The following ASTN2 variants were observed in gnomAD, a reference collection of about 807,000 sequenced individuals.
ASTN2 encodes astrotactin-2.
Under a neutral mutation model 139.8 loss-of-function variants are expected in ASTN2, and 54 were observed. The observed-to-expected ratio is 0.39, with a 90% CI of 0.31 to 0.48. ASTN2 has a LOEUF of 0.48. ASTN2 is among the 20% of genes least tolerant of loss of function. ASTN2 has a pLI of 0.95. For synonymous variants in ASTN2, 756 were observed against 719.5 expected (o/e 1.05, Z -0.81); for missense variants, 1,565 against 1,725.1 (o/e 0.91, Z 1.64).
At chr9:117,188,064 G>A (rs1770643501) in intron 3 of ASTN2, among the ~76,000 whole-genome samples, 1 of 151,776 alleles carries the variant, frequency 6.6e-6, no homozygotes, top group African/African-American at 2.4e-5. Flanking sequence ...AGAATGTTAA[G>A]CAGCATCCCT....
intron 1 of ASTN2, among the ~76,000 whole-genome samples, chr9:117,311,284 G>A (rs563263984): frequency 3.3e-5 from 5 of 150,638 alleles, no homozygotes; most frequent in African/African-American, 7.3e-5. Context: ...ATGACAGAAC[G>A]TTTATAATTG....
At chr9:117,276,292 G>T (rs548225603) in intron 2 of ASTN2, among the ~76,000 whole-genome samples, 1 of 152,152 alleles carries the variant, frequency 6.6e-6, no homozygotes, top group Non-Finnish European at 1.5e-5. Flanking sequence ...AAGATCACAC[G>T]GTTATCAAAA....
At chr9:117,284,437 G>A (rs1168958620) in intron 2 of ASTN2, among the ~76,000 whole-genome samples, 1 of 152,188 alleles carries the variant, frequency 6.6e-6, no homozygotes, top group Non-Finnish European at 1.5e-5. Flanking sequence ...GAGAATTGGG[G>A]CATAGAGACA....
At chr9:116,913,482 T>C (rs1834368450) in intron 10 of ASTN2, among the ~76,000 whole-genome samples, 1 of 152,184 alleles carries the variant, frequency 6.6e-6, no homozygotes, top group Non-Finnish European at 1.5e-5. Context: ...GAAACCCCGC[T>C]GGCTTTGTCA....
At chr9:116,601,776 C>T (rs949033504) in intron 19 of ASTN2, among the ~76,000 whole-genome samples, 2 of 152,116 alleles carry the variant, frequency 1.3e-5, no homozygotes, top group Non-Finnish European at 2.9e-5. Flanking sequence ...GTTTGAATTG[C>T]TTGTGAGATA....
At position 117,223,405 on chromosome 9, in the gene ASTN2, G is replaced by A. The variant is rs74540958; in HGVS notation, c.631-8663C>T. Among the ~76,000 whole-genome samples, 905 of 152,240 alleles carry A rather than the reference G, an allele frequency of 5.9e-3. 12 individuals are homozygous for A. Among genetic ancestry groups the A allele is most frequent in the African/African-American group, 0.02 (836 of 41,530 alleles). Reference sequence around the variant, plus strand: ...TTAACTGGTCCCAAATGTCAATAGCGCAGAGTTTGAGAGTCCCTAGTCTAA... The same window carrying A: ...TTAACTGGTCCCAAATGTCAATAGCACAGAGTTTGAGAGTCCCTAGTCTAA... On this transcript the variant is annotated intron_variant, in intron 2 of 22. Transcript: ENST00000313400.
chr9:117,133,656 T>C (rs926323680), intron 4 of ASTN2, among the ~76,000 whole-genome samples: 4 of 152,196 alleles, frequency 2.6e-5, no homozygotes, highest in African/African-American at 4.8e-5. Context: ...GAAGTGACTA[T>C]AAATTACTTG....
chr9:117,318,992 C>T (rs1035573024), intron 1 of ASTN2, among the ~76,000 whole-genome samples: 4 of 152,202 alleles, frequency 2.6e-5, no homozygotes, highest in Admixed American at 2.0e-4. Context: ...TTGTTTTCTA[C>T]AGGGCACCTC....
At chr9:117,262,864 G>A (rs886239545) in intron 2 of ASTN2, among the ~76,000 whole-genome samples, 14 of 152,050 alleles carry the variant, frequency 9.2e-5, no homozygotes, top group Admixed American at 9.2e-4. Flanking sequence ...AGAAGAACTC[G>A]ACCCCCTAGT....
Position 116,620,378 on chromosome 9 carries a change from C to T in ASTN2, c.3138G>A (p.Trp1046Ter). ...CSGKGDVIDD[W>*]CRCDLSAFDA... ...CAAAGGCGCTGAGGTCACACCTGCA[C>T]CAGTCATCGATCACATCCCCTTTCC... The change falls in exon 18 of 23, where the codon TGG (tryptophan) becomes TGA (stop). Residue 1046 changes from tryptophan (W) to a stop codon, truncating the protein, a stop_gained. Transcript: ENST00000313400. LOFTEE classifies it high-confidence loss of function. The T allele has an allele frequency of 6.2e-7, 1 of 1,614,132 alleles. No individual in the cohort carries two copies. The highest frequency in any genetic ancestry group is 8.5e-7 in the Non-Finnish European group (1 of 1,180,020).
At chr9:117,092,195 T>C (rs1253255933) in intron 5 of ASTN2, among the ~76,000 whole-genome samples, 1 of 152,184 alleles carries the variant, frequency 6.6e-6, no homozygotes, top group Non-Finnish European at 1.5e-5. Context: ...CCCTCCCACA[T>C]TTAGCTGCTG....
At chr9:117,043,821 T>C (rs1045987841) in intron 5 of ASTN2, among the ~76,000 whole-genome samples, 5 of 149,524 alleles carry the variant, frequency 3.3e-5, no homozygotes, top group African/African-American at 9.9e-5. Flanking sequence ...GGCACGAGAA[T>C]CGCTTGAACC....
intron 22 of ASTN2, among the ~76,000 whole-genome samples, chr9:116,439,261 C>T (rs1348573419): frequency 2.8e-5 from 3 of 108,106 alleles, no homozygotes; most frequent in Admixed American, 1.2e-4. Flanking sequence ...AGTGCAGTGG[C>T]GGGATCTCGG....
At chr9:116,964,953 C>A (rs79892203) in intron 10 of ASTN2, among the ~76,000 whole-genome samples, 1 of 152,272 alleles carries the variant, frequency 6.6e-6, no homozygotes, top group East Asian at 1.9e-4. Context: ...TCTCAGCAAC[C>A]AAAGTTATCG....
chr9:116,916,669 G>A (rs745656614), intron 10 of ASTN2, among the ~76,000 whole-genome samples: 9 of 151,856 alleles, frequency 5.9e-5, no homozygotes, highest in Middle Eastern at 3.2e-3. Context: ...AGTGAGACCC[G>A]TCTCTACAAA....
At chr9:116,632,228 AGAAAGAAAGAAAGAAAGAAAGAAG>A (rs1564169197) in intron 17 of ASTN2, among the ~76,000 whole-genome samples, 31 of 137,190 alleles carry the variant, frequency 2.3e-4, no homozygotes, top group African/African-American at 8.0e-4. Flanking sequence ...AAAGAAAGAA[AGAAAGAAAGAAAGAAAGAAAGAAG>A]GAAAGAAAGA....
intron 19 of ASTN2, among the ~76,000 whole-genome samples, chr9:116,541,569 A>G (rs1040380246): frequency 6.6e-6 from 1 of 152,192 alleles, no homozygotes; most frequent in African/African-American, 2.4e-5. Flanking sequence ...CAGGAATTAC[A>G]GCTGATAGTA....
At chr9:116,461,810 C>G (rs770401748) in intron 20 of ASTN2, among the ~76,000 whole-genome samples, 8 of 152,128 alleles carry the variant, frequency 5.3e-5, no homozygotes, top group Non-Finnish European at 8.8e-5. Context: ...ATGTTATGCA[C>G]TAAAGTTTTT....
chr9:117,224,878 C>G (rs1832651318), intron 2 of ASTN2, among the ~76,000 whole-genome samples: 1 of 152,284 alleles, frequency 6.6e-6, no homozygotes, highest in Middle Eastern at 3.4e-3. Context: ...TTAGGTCTTG[C>G]AGTGACTCAT....
Sources: gnomAD v4.1 joint callset for allele counts (sites outside exome capture counted in the v4.1 genomes callset) on GRCh38, gnomAD v4.1.1 for gene constraint, MANE v1.5 for transcripts, NCBI Gene and HGNC (gene_info 2026-07-23, HGNC 2026-07-21) for gene names.